ATP2C1: variants seen among roughly 807,000 people sequenced by gnomAD.
ATP2C1 encodes the protein calcium-transporting ATPase type 2C member 1.
ATP2C1 carries 31 observed loss-of-function variants against 120.5 expected under a neutral mutation model. The observed-to-expected ratio is 0.26, with a 90% CI of 0.19 to 0.35. The LOEUF (loss-of-function observed/expected upper bound fraction) is 0.35, where lower values mean the gene tolerates loss of function less well. Among genes scored for constraint, ATP2C1 ranks in the 10% least tolerant of loss-of-function variants. ATP2C1 has a pLI of 1.00. For missense variants in ATP2C1, 731 were observed against 1,107.5 expected (o/e 0.66, Z 4.83); for synonymous variants, 351 against 358.7 (o/e 0.98, Z 0.24).
intron 2 of ATP2C1, among the ~76,000 whole-genome samples, chr3:130,910,385 G>A (rs370312006): frequency 3.5e-5 from 5 of 143,680 alleles, no homozygotes; most frequent in East Asian, 2.1e-4. Flanking sequence ...CAATCATGTC[G>A]TCTGCAAACA....
In ATP2C1 at chr3:130,949,449, C is replaced by T. The variant is rs143915963; in HGVS notation, c.532-4372C>T. Among the ~76,000 whole-genome samples the T allele has an allele frequency of 7.9e-5, 12 of 152,220 alleles. No individual in the cohort carries two copies. The East Asian group carries it at 2.3e-3, about 29-fold the overall frequency. ...GAAGCTGCCAAAGAAAAGTTTGAAG[C>T]TTGCAGAGATTGGTTCGTGAGGTTT... On this transcript the variant is annotated intron_variant, in intron 8 of 27. Transcript: ENST00000510168.
At chr3:130,864,829 G>A (rs2107735171) in intron 1 of ATP2C1, among the ~76,000 whole-genome samples, 1 of 152,336 alleles carries the variant, frequency 6.6e-6, no homozygotes, top group East Asian at 1.9e-4. Context: ...ACACCTGGAT[G>A]CCCAGGAAAA....
In ATP2C1 at chr3:130,863,435, AAC is replaced by A. The variant is rs574389083; in HGVS notation, c.108+12521_108+12522del. 1.1e-4 allele frequency among the ~76,000 whole-genome samples: 16 copies of A among 151,640 alleles called. No individual in the cohort carries two copies. The East Asian group carries it at 1.7e-3, about 16-fold the overall frequency. ...TACTATTCTTCCAAGCAGACCAGTT[AAC>A]ACACACACACACAGAGAAAGACTGT... On this transcript the variant is annotated intron_variant, in intron 1 of 26. Coordinates refer to the ATP2C1 transcript ENST00000504381.
In ATP2C1 at chr3:130,998,323, C is replaced by T; in HGVS notation, c.2421C>T (p.Asp807=). The change falls in exon 26 of 28, where the codon GAC becomes GAT. Residue 807 remains aspartate, a synonymous_variant. Coordinates refer to ENST00000510168, the MANE Select transcript of ATP2C1 (RefSeq NM_001378687.1). The stretch of plus-strand genomic sequence containing the variant: ...GAGACAATGTGATTACACCTCGAGA[C>T]ACAACAATGACCTTCACATGCTTTG... ...ELRDNVITPR[D]TTMTFTCFVF... 1.2e-6 allele frequency: 2 copies of T among 1,612,740 alleles called. No homozygotes were observed. The highest frequency in any genetic ancestry group is 2.2e-5 in the South Asian group (2 of 91,062).
intron 17 of ATP2C1, among the ~76,000 whole-genome samples, chr3:130,970,165 A>C (rs1270374196): frequency 6.6e-6 from 1 of 152,110 alleles, no homozygotes; most frequent in African/African-American, 2.4e-5. Flanking sequence ...TAAAAATACA[A>C]AAATTAGCCA....
At chr3:130,925,898 GT>G (rs1338567993) in intron 2 of ATP2C1, among the ~76,000 whole-genome samples, 1 of 152,178 alleles carries the variant, frequency 6.6e-6, no homozygotes, top group Non-Finnish European at 1.5e-5. Flanking sequence ...CACCAGGGAA[GT>G]GGGGGAAAGC....
chr3:130,889,663 T>TTTTTTA (rs2069102998), upstream of ATP2C1, among the ~76,000 whole-genome samples: 1 of 122,562 alleles, frequency 8.2e-6, no homozygotes, highest in African/African-American at 2.9e-5. Flanking sequence ...TTTTTTTTTT[T>TTTTTTA]GAGACAGTTT....
intron 20 of ATP2C1, among the ~76,000 whole-genome samples, chr3:130,987,934 A>G (rs2062101314): frequency 6.6e-6 from 1 of 152,156 alleles, no homozygotes; most frequent in African/African-American, 2.4e-5. Context: ...AGTGTTTTCC[A>G]TTTATGACTT....
intron 7 of ATP2C1, among the ~76,000 whole-genome samples, 197 bp from the exon 8 acceptor site, chr3:130,941,394 A>G (rs1010018169): frequency 1.3e-5 from 2 of 152,206 alleles, no homozygotes; most frequent in Non-Finnish European, 2.9e-5. Flanking sequence ...TTCAATTTGC[A>G]CATTTTACAT....
At chr3:130,851,583 A>G (rs965185154) in intron 1 of ATP2C1, among the ~76,000 whole-genome samples, 1 of 152,224 alleles carries the variant, frequency 6.6e-6, no homozygotes, top group African/African-American at 2.4e-5. Context: ...TCATGCAGTC[A>G]TTTTTATGGT....
At chr3:130,936,861 GA>G (rs1187867136) in intron 5 of ATP2C1, among the ~76,000 whole-genome samples, 6 of 127,396 alleles carry the variant, frequency 4.7e-5, no homozygotes, top group Admixed American at 4.6e-4. Flanking sequence ...AAATAAAAAA[GA>G]AAAAATGCTC....
rs2059472582 is a variant in ATP2C1, at chr3:130,932,017, A to G, written c.118-5A>G. ...TCAATAACTTTCATGTATAAACTCT[A>G]ATAGGCTGATCTTCAGAATGGTCTA... On this transcript the variant is annotated splice_region_variant and splice_polypyrimidine_tract_variant and intron_variant, in intron 3 of 27. Transcript: ENST00000510168. 1.3e-6 allele frequency: 2 copies of G among 1,573,412 alleles called. No homozygotes were observed. The highest frequency in any genetic ancestry group is 4.5e-5 in the East Asian group (2 of 44,642).
intron 20 of ATP2C1, among the ~76,000 whole-genome samples, chr3:130,983,756 A>G (rs1381264203): frequency 6.6e-6 from 1 of 152,196 alleles, no homozygotes; most frequent in Non-Finnish European, 1.5e-5. Flanking sequence ...TGGTTGGAAT[A>G]ATATCATATG....
intron 2 of ATP2C1, among the ~76,000 whole-genome samples, chr3:130,898,515 C>T (rs1482892680): frequency 6.6e-6 from 1 of 151,934 alleles, no homozygotes; most frequent in Non-Finnish European, 1.5e-5. Flanking sequence ...CAGTTTTGTC[C>T]ATAAAATGAT....
chr3:130,962,777 TTC>T (rs2060883083), intron 12 of ATP2C1: 1 of 150,228 alleles, frequency 6.7e-6, no homozygotes, highest in African/African-American at 2.4e-5. Context: ...ACTAGGAACA[TTC>T]TCTTTGAGTA....
chr3:131,016,186 T>C, exon 27 of ATP2C1: 1 of 1,614,154 alleles, frequency 6.2e-7, no homozygotes, highest in Non-Finnish European at 8.5e-7. Flanking sequence ...CAGCAGCTGG[T>C]TGAGATACAT....
intron 4 of ATP2C1, 41 bp from the exon 5 acceptor site, chr3:130,934,581 G>A (rs768588962): frequency 3.8e-6 from 5 of 1,300,832 alleles, no homozygotes; most frequent in Non-Finnish European, 5.6e-6. Context: ...GAACTGTCAT[G>A]TACAAAACTG....
chr3:130,859,804 A>T (rs900704128), intron 1 of ATP2C1, among the ~76,000 whole-genome samples: 1 of 152,236 alleles, frequency 6.6e-6, no homozygotes, highest in Non-Finnish European at 1.5e-5. Flanking sequence ...GAGTCAGTAA[A>T]TGGATGAATA....
intron 22 of ATP2C1, among the ~76,000 whole-genome samples, chr3:130,995,254 A>C (rs968944183): frequency 6.6e-6 from 1 of 151,976 alleles, no homozygotes; most frequent in African/African-American, 2.4e-5. Context: ...CTCTCCAAAC[A>C]ATACAAAAAA....
Sources: allele counts gnomAD v4.1 joint callset (sites outside exome capture counted in the v4.1 genomes callset), GRCh38; gene constraint gnomAD v4.1.1; transcripts MANE v1.5; gene names NCBI Gene and HGNC (gene_info 2026-07-23, HGNC 2026-07-21).